The following RASGEF1C variants were observed in gnomAD, a reference collection of about 807,000 sequenced individuals.
RASGEF1C encodes the protein RasGEF domain family member 1C.
In RASGEF1C, 27 loss-of-function variants were observed where a neutral mutation model predicts 58.1. The observed-to-expected ratio is 0.46, with a 90% CI of 0.34 to 0.64. The LOEUF is 0.64. RASGEF1C is among the 30% of genes least tolerant of loss of function. The probability of loss-of-function intolerance (pLI) is 0.01; values close to 1 mark genes in which losing one functional copy is unlikely to be tolerated. For missense variants in RASGEF1C, 502 were observed against 605.1 expected, an observed-to-expected ratio of 0.83 and a Z score of 1.79; for synonymous variants, 243 against 246.3, an observed-to-expected ratio of 0.99 and a Z score of 0.13.
intron 6 of RASGEF1C, among the ~76,000 whole-genome samples, chr5:180,127,060 A>C (rs1456731076): frequency 2.6e-5 from 4 of 152,106 alleles, no homozygotes; most frequent in Non-Finnish European, 4.4e-5. Context: ...TCTGGCTTGG[A>C]TTTAGCCCGT....
At chr5:180,175,203 C>T (rs1426454568) in intron 1 of RASGEF1C, among the ~76,000 whole-genome samples, 1 of 152,184 alleles carries the variant, frequency 6.6e-6, no homozygotes, top group Non-Finnish European at 1.5e-5. Context: ...CAGAAGCCAG[C>T]CTGGCCTAGC....
In RASGEF1C at chr5:180,168,736, G is replaced by A. The variant is rs1398511496; in HGVS notation, c.-6-30678C>T. Among the ~76,000 whole-genome samples the A allele has an allele frequency of 1.3e-5, 2 of 152,138 alleles. No individual in the cohort carries two copies. Among genetic ancestry groups the A allele is most frequent in the African/African-American group, 2.4e-5 (1 of 41,438 alleles). On this transcript the variant is annotated intron_variant, in intron 1 of 13. Transcript: ENST00000361132. The surrounding 1 kb of genome is among the most constrained non-coding windows in gnomAD (Gnocchi z 6.0). ...AATTCTGGGCTCCTGTGGGACCTAC[G>A]CAATGCTCCCATGGGATTACTTGTG...
At chr5:180,152,714 TAAAA>T (rs200760464) in intron 1 of RASGEF1C, among the ~76,000 whole-genome samples, 1 of 140,430 alleles carries the variant, frequency 7.1e-6, no homozygotes, top group African/African-American at 2.6e-5. Flanking sequence ...AAAGTATAAT[TAAAA>T]AAAAAAAAAG....
At chr5:180,121,227 G>T (rs1258607671) in intron 6 of RASGEF1C, 78 bp from the exon 7 acceptor site, 1 of 953,746 alleles carries the variant, frequency 1.0e-6, no homozygotes, top group Non-Finnish European at 1.7e-6. Flanking sequence ...GTCAGTTCAT[G>T]ATCCTTACGA....
At chr5:180,127,556 G>T in intron 6 of RASGEF1C, 53 bp downstream of exon 6, 2 of 1,520,818 alleles carry the variant, frequency 1.3e-6, no homozygotes. Flanking sequence ...CCCGGAGAGC[G>T]GCCAGTCACT....
rs1561731106 is a variant in RASGEF1C at position 180,113,268 on chromosome 5, GAGGATGGACGGAGGGATCC to G, written c.1179+1159_1179+1177del. Among the ~76,000 whole-genome samples, 11 of 43,030 alleles carry G rather than the reference GAGGATGGACGGAGGGATCC, an allele frequency of 2.6e-4. 1 individual carries two copies. Among genetic ancestry groups the G allele is most frequent in the African/African-American group, 5.4e-4 (6 of 11,058 alleles). The allele number at this position is 43,030 out of a possible 152,430, so 28.2% of individuals were successfully genotyped here. A position where few individuals can be genotyped will look rare whatever the true frequency, so the allele number is the denominator to read the frequency against. On this transcript the variant is annotated intron_variant, in intron 11 of 13. Transcript: ENST00000361132. The stretch of plus-strand genomic sequence containing the variant: ...GGGACCGAGGATGGACGGAGGGACC[GAGGATGGACGGAGGGATCC>G]AGGATGGACGGAGGGACCGGGGATG...
At chr5:180,176,626 G>A (rs1272815459) in intron 1 of RASGEF1C, among the ~76,000 whole-genome samples, 7 of 150,196 alleles carry the variant, frequency 4.7e-5, no homozygotes, top group Non-Finnish European at 7.4e-5. Context: ...GCGCAATCTC[G>A]GCTCACTGCA....
chr5:180,106,188 T>C (rs1378793255), intron 12 of RASGEF1C, among the ~76,000 whole-genome samples: 1 of 152,252 alleles, frequency 6.6e-6, no homozygotes, highest in African/African-American at 2.4e-5. Context: ...GTCTTTTCCT[T>C]TTCTTTGTCA....
At chr5:180,147,303 A>G (rs148114048) in intron 1 of RASGEF1C, among the ~76,000 whole-genome samples, 17 of 150,832 alleles carry the variant, frequency 1.1e-4, no homozygotes, top group African/African-American at 3.6e-4. Flanking sequence ...TCTTTTATTT[A>G]TCTCTTCTCT....
chr5:180,116,696 A>G (rs181373413), intron 10 of RASGEF1C, among the ~76,000 whole-genome samples: 1 of 152,328 alleles, frequency 6.6e-6, no homozygotes, highest in East Asian at 1.9e-4. Flanking sequence ...AGCGGAGATG[A>G]AGGAAGTAGT....
Position 180,128,483 on chromosome 5 carries a change from G to A in RASGEF1C, c.566C>T (p.Ser189Phe). 4 of 1,614,170 alleles carry A rather than the reference G, an allele frequency of 2.5e-6. No individual in the cohort carries two copies. The highest frequency in any genetic ancestry group is 3.4e-6 in the Non-Finnish European group (4 of 1,180,044). Residue 189 changes from serine (S) to phenylalanine (F), a missense_variant, in exon 5 of 14, where the codon TCC (serine) becomes TTC (phenylalanine). Physicochemically the swap from Ser to Phe is radical, Grantham distance 155 (BLOSUM62 -2). Transcript: ENST00000361132. The stretch of plus-strand genomic sequence containing the variant: ...GACACCAAGGAGCTCCCTGTGGATG[G>A]AGGCTGGTGGCTTGGTCCTGTAGGA... ...PISYRTKPPA[S>F]IHRELLGVCS...
chr5:180,119,018 T>C (rs1210883375), intron 8 of RASGEF1C, 152 bp from the exon 9 acceptor site: 2 of 719,338 alleles, frequency 2.8e-6, no homozygotes, highest in African/African-American at 1.7e-5. Context: ...CTGGTGGACA[T>C]CATGGTCAGG....
At chr5:180,114,400 T>C (rs1342567446) in intron 11 of RASGEF1C, 46 bp downstream of exon 11, 8 of 1,586,646 alleles carry the variant, frequency 5.0e-6, no homozygotes, top group Non-Finnish European at 6.9e-6. Context: ...CCTGGGAACT[T>C]TTCCCGGCCT....
chr5:180,121,369 G>T lies in RASGEF1C; in HGVS notation c.715-220C>A, dbSNP rs372603002. Reference sequence around the variant, plus strand: ...CGCTCTGTCGCCCAGGCTGGAGTGCGGTGGCGCGATCTCGGCTCACTGCAA... The same window carrying T: ...CGCTCTGTCGCCCAGGCTGGAGTGCTGTGGCGCGATCTCGGCTCACTGCAA... On this transcript the variant is annotated intron_variant, in intron 6 of 13. Transcript: ENST00000361132. 4.6e-5 allele frequency among the ~76,000 whole-genome samples: 7 copies of T among 151,436 alleles called. No homozygotes were observed. In the East Asian group the frequency reaches 1.2e-3, roughly 25 times the overall value.
intron 1 of RASGEF1C, among the ~76,000 whole-genome samples, chr5:180,146,468 T>G (rs1399619279): frequency 6.6e-6 from 1 of 152,234 alleles, no homozygotes; most frequent in Non-Finnish European, 1.5e-5. Flanking sequence ...TGACTTTTAT[T>G]ATGTTGAGGT....
intron 6 of RASGEF1C, among the ~76,000 whole-genome samples, chr5:180,122,661 A>T (rs1766194513): frequency 6.6e-6 from 1 of 151,778 alleles, no homozygotes; most frequent in Non-Finnish European, 1.5e-5. Context: ...GAATCGCTTG[A>T]ACCCGGGAGG....
intron 1 of RASGEF1C, among the ~76,000 whole-genome samples, chr5:180,182,030 C>T (rs1391467230): frequency 1.3e-5 from 2 of 151,268 alleles, no homozygotes; most frequent in Admixed American, 1.3e-4. Flanking sequence ...GGTGAAACCC[C>T]GTCTCTACTA....
intron 1 of RASGEF1C, among the ~76,000 whole-genome samples, chr5:180,190,562 C>T (rs1756146076): frequency 8.0e-6 from 1 of 124,520 alleles, no homozygotes. Context: ...GCCTGTGGCC[C>T]CAACTACTTG....
At chr5:180,136,560 G>A (rs1252580034) in intron 3 of RASGEF1C, 45 bp from the exon 4 acceptor site, 4 of 1,537,784 alleles carry the variant, frequency 2.6e-6, no homozygotes, top group Non-Finnish European at 3.5e-6. Flanking sequence ...GGCGCCGGGT[G>A]GGCACGTGAG....
Sources: gnomAD v4.1 joint callset for allele counts (sites outside exome capture counted in the v4.1 genomes callset) on GRCh38, gnomAD v4.1.1 for gene constraint, Gnocchi (gnomAD v3.1) non-coding constraint, MANE v1.5 for transcripts, NCBI Gene and HGNC (gene_info 2026-07-23, HGNC 2026-07-21) for gene names.